Variants in CYP4F2 observed in about 807,000 individuals in gnomAD.
CYP4F2 encodes the protein cytochrome P450 family 4 subfamily F member 2, also known as cytochrome P450 4F2.
Under a neutral mutation model 58.9 loss-of-function variants are expected in CYP4F2, and 58 were observed. The ratio of observed to expected loss-of-function variants is 0.98; its 90% confidence interval spans 0.80 to 1.23. The LOEUF is 1.23. CYP4F2 is among the 50% of genes most tolerant of loss of function. The pLI, the probability that CYP4F2 is intolerant of heterozygous loss-of-function variation, is 0.00. For synonymous variants in CYP4F2, 287 were observed against 261.1 expected, an observed-to-expected ratio of 1.10 and a Z score of -0.95; for missense variants, 616 against 685.6, an observed-to-expected ratio of 0.90 and a Z score of 1.13.
chr19:15,897,443 G>A lies in CYP4F2; in HGVS notation c.169C>T (p.Arg57Trp), dbSNP rs371607139. 3.5e-5 allele frequency: 56 copies of A among 1,613,344 alleles called. No individual in the cohort carries two copies. Among genetic ancestry groups the A allele is most frequent in the South Asian group, 4.4e-5 (4 of 91,064 alleles). The change falls in exon 2 of 13, where the codon CGG becomes TGG. Residue 57 changes from arginine to tryptophan, a missense_variant. By Grantham distance (101) the Arg-to-Trp change is moderately radical. Coordinates refer to ENST00000221700, the MANE Select transcript of CYP4F2 (RefSeq NM_001082.5). ...CCCTGGTGTCCCCAAAACCAGTTCC[G>A]TCTTGGGGGTTGTGGGAAACACCGA... ...RLRCFPQPPR[R>W]NWFWGHQGMV...
chr19:15,897,745 G>A (rs2089457356), intron 1 of CYP4F2, 133 bp from the exon 2 acceptor site: 2 of 1,109,384 alleles, frequency 1.8e-6, no homozygotes, highest in East Asian at 2.6e-5. Context: ...TGGGTAAAAA[G>A]GGGCTGAGAG....
chr19:15,892,919 G>A (rs963148647), intron 3 of CYP4F2, among the ~76,000 whole-genome samples: 1 of 152,100 alleles, frequency 6.6e-6, no homozygotes, highest in Admixed American at 6.5e-5. Context: ...CAAGGACCTA[G>A]GACACCCTGT....
chr19:15,880,651 A>C (rs908881287), intron 9 of CYP4F2, among the ~76,000 whole-genome samples: 7 of 152,212 alleles, frequency 4.6e-5, no homozygotes, highest in Middle Eastern at 3.4e-3. Flanking sequence ...TTTAATACAC[A>C]TTCTTAAAAG....
chr19:15,883,467 C>T (rs552704769), intron 9 of CYP4F2, among the ~76,000 whole-genome samples: 1 of 152,244 alleles, frequency 6.6e-6, no homozygotes, highest in South Asian at 2.1e-4. Flanking sequence ...ATCAAAAAGA[C>T]AGGCAACGAT....
intron 5 of CYP4F2, 105 bp downstream of exon 5, chr19:15,892,204 G>T (rs1568473146): frequency 1.3e-6 from 2 of 1,541,548 alleles, no homozygotes; most frequent in Non-Finnish European, 1.8e-6. Context: ...GTGAGAAAGA[G>T]CAATGGCCCA....
Position 15,879,887 on chromosome 19 carries a change from C to CTTCCTG in CYP4F2, c.1125_1126insCAGGAA (p.Leu375_Ala376insGlnGlu). The CTTCCTG allele has an allele frequency of 6.2e-7, 1 of 1,614,134 alleles. No homozygotes were observed. Among genetic ancestry groups the CTTCCTG allele is most frequent in the Non-Finnish European group, 8.5e-7 (1 of 1,180,030 alleles). ...CACATGGTCAGGAAGGGCAAATGGG[C>CTTCCTG]CAGGTCGTCCCTAAGGAAACACCCC... On this transcript the variant is annotated inframe_insertion, in exon 10 of 13. Coordinates refer to ENST00000221700, the MANE Select transcript of CYP4F2 (RefSeq NM_001082.5).
intron 1 of CYP4F2, 24 bp from the exon 2 acceptor site, chr19:15,897,636 G>C (rs752301282): frequency 2.5e-6 from 4 of 1,611,378 alleles, no homozygotes; most frequent in Non-Finnish European, 2.5e-6. Flanking sequence ...GGGATGGACG[G>C]TGAGATCCTG....
chr19:15,886,337 C>T, intron 7 of CYP4F2, 29 bp from the exon 8 acceptor site: 1 of 1,524,196 alleles, frequency 6.6e-7, no homozygotes, highest in South Asian at 1.1e-5. Flanking sequence ...CCCCCCCCAA[C>T]CCCCACCCCC....
chr19:15,892,868 G>A (rs547065059), intron 3 of CYP4F2, among the ~76,000 whole-genome samples: 23 of 152,196 alleles, frequency 1.5e-4, no homozygotes, highest in African/African-American at 4.3e-4. Flanking sequence ...AACATGTTCC[G>A]CAACCCCTGA....
intron 2 of CYP4F2, among the ~76,000 whole-genome samples, chr19:15,896,064 CTAT>C (rs879504897): frequency 8.5e-5 from 12 of 140,886 alleles, no homozygotes; most frequent in Non-Finnish European, 1.7e-4. Flanking sequence ...ATTTGTCTAT[CTAT>C]CTATCCATCC....
rs775177330 is a variant in CYP4F2 at position 15,889,689 on chromosome 19, G to T, written c.652C>A (p.Pro218Thr). Residue 218 changes from proline (P) to threonine (T), a missense_variant, in exon 7 of 13, where the codon CCC becomes ACC. By Grantham distance (38) the Pro-to-Thr change is conservative. Coordinates refer to ENST00000221700, the MANE Select transcript of CYP4F2 (RefSeq NM_001082.5). ...FSFDSHCQEK[P>T]SEYIAAILEL... The stretch of plus-strand genomic sequence containing the variant: ...AAGATGGCGGCAATATATTCACTGG[G>T]TTTCCTGCAGGATAAGGGCAGAAAG... The T allele has an allele frequency of 5.6e-6, 9 of 1,613,362 alleles. No individual in the cohort carries two copies. Among genetic ancestry groups the T allele is most frequent in the East Asian group, 2.2e-5 (1 of 44,864 alleles).
chr19:15,880,255 T>G (rs1343658402), intron 9 of CYP4F2, among the ~76,000 whole-genome samples: 1 of 152,086 alleles, frequency 6.6e-6, no homozygotes, highest in Non-Finnish European at 1.5e-5. Flanking sequence ...AGATGGTAGT[T>G]TTTGCAGATA....
intron 9 of CYP4F2, among the ~76,000 whole-genome samples, chr19:15,881,262 G>GAGCTGAAT (rs2089342528): frequency 6.6e-6 from 1 of 152,170 alleles, no homozygotes; most frequent in African/African-American, 2.4e-5. Context: ...ACATAGGAAT[G>GAGCTGAAT]AGCTGAATAA....
chr19:15,884,476 A>T (rs1472533798), intron 9 of CYP4F2, among the ~76,000 whole-genome samples: 4 of 152,212 alleles, frequency 2.6e-5, no homozygotes, highest in Non-Finnish European at 5.9e-5. Context: ...TAGTTAGCTT[A>T]TGTTAGTTAT....
intron 7 of CYP4F2, among the ~76,000 whole-genome samples, chr19:15,887,649 G>A (rs1568471627): frequency 1.4e-5 from 2 of 146,318 alleles, no homozygotes; most frequent in East Asian, 2.1e-4. Flanking sequence ...TAGAAACATG[G>A]ACACACAAAT....
At position 15,884,741 on chromosome 19, in the gene CYP4F2, C is replaced by T. The variant is rs371063729; in HGVS notation, c.1115+1183G>A. ...GGTGTGGACGAGAGGACACTGAATC[C>T]AAGACATCCGTCCATTCCAATGCTT... On this transcript the variant is annotated intron_variant, in intron 9 of 12. Transcript: ENST00000221700. Among the ~76,000 whole-genome samples, 40 of 152,306 alleles carry T rather than the reference C, an allele frequency of 2.6e-4. No individual in the cohort carries two copies. The East Asian group carries it at 6.9e-3, about 26-fold the overall frequency.
chr19:15,885,765 A>G (rs544933963), intron 9 of CYP4F2, among the ~76,000 whole-genome samples, 159 bp downstream of exon 9: 1 of 152,248 alleles, frequency 6.6e-6, no homozygotes, highest in South Asian at 2.1e-4. Context: ...TTCCCCAGAC[A>G]GTCAGGATGG....
At position 15,878,938 on chromosome 19, in the gene CYP4F2, T is replaced by C. The variant is rs1480484428; in HGVS notation, c.1398-2A>G. ...GCGAACGTCTGCCCGATGCAGTTCC[T>C]AGGGGAGGGAGGTGGGAACTCTGAC... On this transcript the variant is annotated splice_acceptor_variant, in intron 12 of 12. Coordinates refer to ENST00000221700, the MANE Select transcript of CYP4F2 (RefSeq NM_001082.5). LOFTEE classifies it high-confidence loss of function. 1.2e-6 allele frequency: 2 copies of C among 1,612,754 alleles called. No homozygotes were observed. Among genetic ancestry groups the C allele is most frequent in the East Asian group, 4.5e-5 (2 of 44,874 alleles).
rs756495317 is a variant in CYP4F2, at chr19:15,890,428, C to T, written c.531G>A (p.Lys177=). ...TACCCTCTGAGGCCAGGAGCTGCCA[C>T]TTGGCCTAGCCAGAGAAGGGGACAG... ...FNESVNIMHA[K]WQLLASEGSA... is the part of the protein sequence containing the mutation. The change falls in exon 6 of 13, where the codon AAG becomes AAA. Residue 177 remains lysine (K), a synonymous_variant. Coordinates refer to ENST00000221700, the MANE Select transcript of CYP4F2 (RefSeq NM_001082.5). 5.6e-6 allele frequency: 9 copies of T among 1,613,950 alleles called. No homozygotes were observed. The Admixed American group carries it at 1.2e-4, about 21-fold the overall frequency.
Sources: gnomAD v4.1 joint callset for allele counts (sites outside exome capture counted in the v4.1 genomes callset) on GRCh38, gnomAD v4.1.1 for gene constraint, MANE v1.5 for transcripts, NCBI Gene and HGNC (gene_info 2026-07-23, HGNC 2026-07-21) for gene names.